OSBPL9: variants seen among roughly 807,000 people sequenced by gnomAD.
The protein encoded by OSBPL9 is oxysterol binding protein like 9.
Under a neutral mutation model 106.6 loss-of-function variants are expected in OSBPL9, and 40 were observed. That is an observed-to-expected ratio of 0.38 (90% CI 0.29 to 0.49). The LOEUF (loss-of-function observed/expected upper bound fraction) is 0.49. OSBPL9 is among the 20% of genes least tolerant of loss of function. OSBPL9 has a pLI of 0.97. For missense variants in OSBPL9, 609 were observed against 887.2 expected (o/e 0.69, Z 3.98); for synonymous variants, 269 against 295.4 (o/e 0.91, Z 0.92).
At chr1:51,785,514 C>T (rs72900038) in intron 20 of OSBPL9, 8,186 of 373,420 alleles carry the variant, frequency 0.022, 224 homozygotes, top group Middle Eastern at 0.073. Context: ...CTCTCCACTA[C>T]GCTGTGAACA....
chr1:51,597,217 A>G (rs1004569812), intron 1 of OSBPL9, among the ~76,000 whole-genome samples: 2 of 152,154 alleles, frequency 1.3e-5, no homozygotes, highest in Admixed American at 6.6e-5. Context: ...GATATAAGCC[A>G]TGGGTAGGAT....
chr1:51,593,906 A>G lies in OSBPL9; in HGVS notation c.-422-4218A>G, dbSNP rs909368456. Among the ~76,000 whole-genome samples the G allele has an allele frequency of 9.0e-5, 11 of 122,618 alleles. 1 individual carries two copies. Among genetic ancestry groups the G allele is most frequent in the African/African-American group, 3.3e-4 (11 of 33,074 alleles). The allele number at this position is 122,618 out of a possible 152,430, so 80.4% of individuals were successfully genotyped here. A position where few individuals can be genotyped will look rare whatever the true frequency, so the allele number is the denominator to read the frequency against. ...ACCCTCAAATAATTAATCAGATTTC[A>G]CACACACACACACACACACACACAC... On this transcript the variant is annotated intron_variant, in intron 1 of 25. Coordinates refer to the OSBPL9 transcript ENST00000371714.
At chr1:51,711,830 AC>A (rs1459594295) in intron 3 of OSBPL9, among the ~76,000 whole-genome samples, 16 of 145,386 alleles carry the variant, frequency 1.1e-4, no homozygotes, top group African/African-American at 4.2e-4. Context: ...CGGGGCAGAG[AC>A]GCTCCTCACT....
chr1:51,663,312 G>GTGTA (rs1553160587), intron 2 of OSBPL9, among the ~76,000 whole-genome samples: 2 of 151,702 alleles, frequency 1.3e-5, no homozygotes, highest in South Asian at 2.1e-4. Flanking sequence ...GTGTGTGTGT[G>GTGTA]TGTGTGTGTG....
At chr1:51,752,567 A>G (rs1557804742) in intron 8 of OSBPL9, 5 of 455,634 alleles carry the variant, frequency 1.1e-5, no homozygotes, top group African/African-American at 2.0e-5. Flanking sequence ...GGCTGCCATA[A>G]CAAAATACCA....
intron 2 of OSBPL9, among the ~76,000 whole-genome samples, chr1:51,602,297 C>T (rs1032037022): frequency 2.0e-5 from 3 of 151,892 alleles, no homozygotes; most frequent in South Asian, 2.1e-4. Flanking sequence ...CGTGAGCCAC[C>T]GCGCCCAGCC....
chr1:51,704,565 C>T (rs1335392845), intron 3 of OSBPL9, among the ~76,000 whole-genome samples: 1 of 152,182 alleles, frequency 6.6e-6, no homozygotes, highest in East Asian at 1.9e-4. Flanking sequence ...AAACAGCAAA[C>T]ATTTATTTCC....
intron 1 of OSBPL9, chr1:51,582,694 G>C (rs563392161): frequency 1.3e-5 from 2 of 151,928 alleles, no homozygotes; most frequent in African/African-American, 2.4e-5. Flanking sequence ...GTTTATTAAG[G>C]GTTTATTATG....
intron 3 of OSBPL9, among the ~76,000 whole-genome samples, chr1:51,710,115 C>T (rs1198339113): frequency 2.6e-5 from 4 of 152,148 alleles, no homozygotes; most frequent in African/African-American, 9.7e-5. Flanking sequence ...TGATCACATT[C>T]CCCTTTGGCA....
chr1:51,746,049 C>T (rs1022735002), intron 5 of OSBPL9, among the ~76,000 whole-genome samples: 1 of 152,158 alleles, frequency 6.6e-6, no homozygotes, highest in Non-Finnish European at 1.5e-5. Flanking sequence ...GCAACCTCCG[C>T]CTCCCGGGTT....
At chr1:51,733,594 G>A (rs548942026) in intron 4 of OSBPL9, among the ~76,000 whole-genome samples, 2 of 152,238 alleles carry the variant, frequency 1.3e-5, no homozygotes, top group East Asian at 3.9e-4. Context: ...GGCCAACATG[G>A]TAAAACCTCA....
At chr1:51,703,695 A>AG (rs1657812285) in intron 3 of OSBPL9, among the ~76,000 whole-genome samples, 1 of 152,180 alleles carries the variant, frequency 6.6e-6, no homozygotes, top group Non-Finnish European at 1.5e-5. Context: ...GAGTGGTGAG[A>AG]GAGGGCATCC....
At position 51,765,935 on chromosome 1, in the gene OSBPL9, G is replaced by A; in HGVS notation, c.892G>A (p.Ala298Thr). Residue 298 changes from alanine to threonine, a missense_variant, in exon 12 of 24, where the codon GCT becomes ACT. This residue lies in a region of OSBPL9 where 356 missense variants were observed against 505.8 expected (regional missense o/e 0.70). Transcript: ENST00000428468. ...YSSSEDEFYD[A>T]DEFHQSGSSP... ...CAGCAGTGAAGATGAATTTTATGAT[G>A]CTGATGAATTCCATCAAAGTGGCTC... is the stretch of plus-strand genomic sequence containing the variant. 6.2e-7 allele frequency: 1 copy of A among 1,614,048 alleles called. No individual in the cohort carries two copies.
chr1:51,700,103 T>G (rs1656914099), intron 3 of OSBPL9, among the ~76,000 whole-genome samples: 1 of 152,248 alleles, frequency 6.6e-6, no homozygotes, highest in African/African-American at 2.4e-5. Flanking sequence ...ATCCATGTCC[T>G]TTTGTAAATG....
At chr1:51,681,096 A>G (rs562641418) in intron 3 of OSBPL9, among the ~76,000 whole-genome samples, 1 of 152,240 alleles carries the variant, frequency 6.6e-6, no homozygotes, top group South Asian at 2.1e-4. Flanking sequence ...CATTAACGCT[A>G]TTTATTATTT....
the OSBPL9 span, among the ~76,000 whole-genome samples, chr1:51,541,380 A>G: frequency 6.6e-6 from 1 of 152,028 alleles, no homozygotes; most frequent in East Asian, 1.9e-4. Flanking sequence ...CATCATCTAC[A>G]CTCCATCTCC....
chr1:51,589,555 C>G (rs990361735), intron 1 of OSBPL9, among the ~76,000 whole-genome samples: 2 of 151,932 alleles, frequency 1.3e-5, no homozygotes, highest in African/African-American at 4.8e-5. Flanking sequence ...AAAATCCCCT[C>G]TAAGAAGAAA....
At chr1:51,616,027 T>TTTTTTTTTTTTTTGTGTG (rs1292732346), upstream of OSBPL9, among the ~76,000 whole-genome samples, 1 of 147,426 alleles carries the variant, frequency 6.8e-6, no homozygotes, top group African/African-American at 2.6e-5. Context: ...TTTTTTTTTT[T>TTTTTTTTTTTTTTGTGTG]TGTGTGAGAG....
At chr1:51,580,933 TATATATATATATATATATATA>T (rs1345067755) in intron 1 of OSBPL9, among the ~76,000 whole-genome samples, 991 of 2,012 alleles carry the variant, frequency 0.49, 178 homozygotes, top group South Asian at 0.63. Flanking sequence ...TATATATATA[TATATATATATATATATATATA>T]ACTTTTTTGA....
Sources: allele counts gnomAD v4.1 joint callset (sites outside exome capture counted in the v4.1 genomes callset), GRCh38; gene constraint gnomAD v4.1.1; regional missense constraint gnomAD v4.1.1; transcripts MANE v1.5; gene names NCBI Gene and HGNC (gene_info 2026-07-23, HGNC 2026-07-21).